The following SCN3A variants were observed in gnomAD, a reference collection of about 807,000 sequenced individuals.
SCN3A encodes the protein sodium channel protein type 3 subunit alpha.
In SCN3A, 60 loss-of-function variants were observed where a neutral mutation model predicts 187.6. The ratio of observed to expected loss-of-function variants is 0.32; its 90% CI spans 0.26 to 0.40. The LOEUF (loss-of-function observed/expected upper bound fraction) is 0.40. Ranked by LOEUF, SCN3A falls within the 10% of genes least tolerant of loss-of-function variation. The pLI is 1.00. For missense variants in SCN3A, 1,601 were observed against 2,428.2 expected (o/e 0.66, Z 7.16); for synonymous variants, 788 against 829.2 (o/e 0.95, Z 0.85).
At position 165,162,978 on chromosome 2, in the gene SCN3A, A is replaced by G. The variant is rs750096292; in HGVS notation, c.695-150T>C. 290 of 928,574 alleles carry G rather than the reference A, an allele frequency of 3.1e-4. 8 individuals are homozygous for G. In the South Asian group the frequency reaches 3.8e-3, roughly 12 times the overall value. The allele number at this position is 928,574 out of a possible 1,614,324, so 57.5% of individuals were successfully genotyped here. On this transcript the variant is annotated intron_variant, in intron 7 of 27. Coordinates refer to ENST00000283254, the MANE Select transcript of SCN3A (RefSeq NM_006922.4). ...GATAGCCTGATGATTTGGGAAATAG[A>G]TGAACAGCAGATTTTACACATGAAC...
Position 165,162,803 on chromosome 2 carries a change from C to A in SCN3A, c.720G>T (p.Leu240=), listed in dbSNP as rs751024268. The change falls in exon 8 of 28, where the codon CTG becomes CTT. Residue 240 remains leucine, a synonymous_variant. Coordinates refer to ENST00000283254, the MANE Select transcript of SCN3A (RefSeq NM_006922.4). ...IPGLKTIVGA[L]IQSVKKLSDV... is the part of the protein sequence containing the mutation. Reference sequence around the variant, plus strand: ...CAGAAAGCTTCTTTACCGACTGGATCAGGGCCCCCACAATGGTCTTTAAAC... The same window carrying A: ...CAGAAAGCTTCTTTACCGACTGGATAAGGGCCCCCACAATGGTCTTTAAAC... 1 of 1,614,104 alleles carries A rather than the reference C, an allele frequency of 6.2e-7. No individual in the cohort carries two copies. The highest frequency in any genetic ancestry group is 8.5e-7 in the Non-Finnish European group (1 of 1,179,996).
intron 3 of SCN3A, among the ~76,000 whole-genome samples, chr2:165,171,877 A>G (rs1450130344): frequency 1.3e-5 from 2 of 152,108 alleles, no homozygotes; most frequent in Non-Finnish European, 2.9e-5. Context: ...CACAGTATTT[A>G]ATAGCCTGGT....
chr2:165,093,475 A>T (rs767258276), intron 26 of SCN3A: 1 of 152,178 alleles, frequency 6.6e-6, no homozygotes, highest in Non-Finnish European at 1.5e-5. Flanking sequence ...GCTTTCAAAG[A>T]TTCTTATATT....
At chr2:165,145,092 A>G (rs1165818375) in intron 12 of SCN3A, among the ~76,000 whole-genome samples, 2 of 152,196 alleles carry the variant, frequency 1.3e-5, no homozygotes, top group Admixed American at 1.3e-4. Flanking sequence ...TATATTGCTT[A>G]GTCCCCTAAA....
At chr2:165,116,943 A>ATTTTTTTTTTTTTTTTTTTTT (rs11395597) in intron 18 of SCN3A, among the ~76,000 whole-genome samples, 1 of 118,208 alleles carries the variant, frequency 8.5e-6, no homozygotes. Context: ...TGATAGCACA[A>ATTTTTTTTTTTTTTTTTTTTT]TTTTTTTTTT....
At chr2:165,133,363 AT>A (rs913102392) in intron 15 of SCN3A, among the ~76,000 whole-genome samples, 1 of 151,216 alleles carries the variant, frequency 6.6e-6, no homozygotes, top group Non-Finnish European at 1.5e-5. Flanking sequence ...TATTTTTATT[AT>A]TTTTTTTTGA....
chr2:165,188,494 A>G (rs1281629669), intron 1 of SCN3A, among the ~76,000 whole-genome samples: 1 of 152,224 alleles, frequency 6.6e-6, no homozygotes, highest in Non-Finnish European at 1.5e-5. Flanking sequence ...AGTGAGCATA[A>G]GAATCACCTG....
At position 165,146,876 on chromosome 2, in the gene SCN3A, G is replaced by C. The variant is rs145500931; in HGVS notation, c.1534C>G (p.Leu512Val). 6 of 1,613,980 alleles carry C rather than the reference G, an allele frequency of 3.7e-6. No individual in the cohort carries two copies. The highest frequency in any genetic ancestry group is 4.2e-6 in the Non-Finnish European group (5 of 1,179,952). Residue 512 changes from leucine to valine, a missense_variant, in exon 12 of 28, where the codon CTT (leucine) becomes GTT (valine). Around this residue, in one of 11 missense-constraint regions of SCN3A, gnomAD observed 376 missense variants for 476.0 expected, o/e 0.79. Transcript: ENST00000283254. The stretch of plus-strand genomic sequence containing the variant: ...CTCTCTCCTTTGTTGTTTCCTTCAA[G>C]GTGCTCTCTCTGTCTTCTTTTCTTC... ...RRKKRRQREH[L>V]EGNNKGERDS...
chr2:165,175,662 G>T (rs1287984663), intron 3 of SCN3A, among the ~76,000 whole-genome samples: 1 of 152,180 alleles, frequency 6.6e-6, no homozygotes, highest in Non-Finnish European at 1.5e-5. Flanking sequence ...TTCATGTATT[G>T]TCTGGCTACA....
At chr2:165,125,540 A>G (rs1238048510) in intron 18 of SCN3A, among the ~76,000 whole-genome samples, 2 of 152,034 alleles carry the variant, frequency 1.3e-5, no homozygotes, top group Admixed American at 1.3e-4. Context: ...GATGGTCTCG[A>G]TCTCCTGACC....
chr2:165,094,512 G>A (rs1685264021), intron 25 of SCN3A, 34 bp from the exon 26 acceptor site: 1 of 1,395,458 alleles, frequency 7.2e-7, no homozygotes, highest in Non-Finnish European at 1.0e-6. Context: ...TTACAATTCT[G>A]TGTTCCAATA....
At chr2:165,133,333 G>T (rs1023825227) in intron 15 of SCN3A, among the ~76,000 whole-genome samples, 1 of 151,896 alleles carries the variant, frequency 6.6e-6, no homozygotes, top group Non-Finnish European at 1.5e-5. Context: ...ACATGCACAC[G>T]TATGTTTATT....
chr2:165,102,174 G>A (rs1327669798), intron 21 of SCN3A, among the ~76,000 whole-genome samples: 2 of 152,206 alleles, frequency 1.3e-5, no homozygotes, highest in East Asian at 1.9e-4. Flanking sequence ...GGACGTGGCT[G>A]CAAATTTCTC....
chr2:165,131,961 A>G (rs1480506333), intron 15 of SCN3A, among the ~76,000 whole-genome samples: 1 of 151,962 alleles, frequency 6.6e-6, no homozygotes, highest in Non-Finnish European at 1.5e-5. Flanking sequence ...ATAGTATTCC[A>G]TGGTGTATAT....
intron 2 of SCN3A, among the ~76,000 whole-genome samples, chr2:165,183,485 T>G (rs1009755646): frequency 6.6e-6 from 1 of 152,216 alleles, no homozygotes; most frequent in Non-Finnish European, 1.5e-5. Context: ...CTTATGAAAG[T>G]ACTTGAAGCC....
Position 165,162,674 on chromosome 2 carries a change from G to A in SCN3A, c.849C>T (p.Ser283=), listed in dbSNP as rs747954941. Residue 283 remains serine (S), a synonymous_variant, in exon 8 of 28, where the codon AGC becomes AGT. Coordinates refer to ENST00000283254, the MANE Select transcript of SCN3A (RefSeq NM_006922.4). ...LRNKCLQWPP[S]DSAFETNTTS... ...TGGTGTTGGTTTCAAAAGCAGAATC[G>A]CTTGGGGGCCACTGCAAACATTTAT... The A allele has an allele frequency of 1.5e-5, 24 of 1,614,012 alleles. No individual in the cohort carries two copies. The highest frequency in any genetic ancestry group is 4.0e-5 in the African/African-American group (3 of 74,918).
Position 165,113,951 on chromosome 2 carries a change from T to A in SCN3A, c.3534A>T (p.Pro1178=), listed in dbSNP as rs534513013. The change falls in exon 20 of 28, where the codon CCA becomes CCT. Residue 1178 remains proline (P), a synonymous_variant. Coordinates refer to ENST00000283254, the MANE Select transcript of SCN3A (RefSeq NM_006922.4). ...CFTEGCIKKF[P]FCQVSTEEGK... ...CTTCTTCTGTACTTACTTGACAGAA[T>A]GGAAACTTTTTAATACATCCTAAAA... 6.2e-7 allele frequency: 1 copy of A among 1,605,046 alleles called. No individual in the cohort carries two copies. Among genetic ancestry groups the A allele is most frequent in the Non-Finnish European group, 8.5e-7 (1 of 1,173,286 alleles).
intron 15 of SCN3A, among the ~76,000 whole-genome samples, chr2:165,132,653 A>C (rs560551629): frequency 6.6e-6 from 1 of 152,136 alleles, no homozygotes; most frequent in Non-Finnish European, 1.5e-5. Flanking sequence ...AAGACTTAAA[A>C]GTTAGACCTA....
At chr2:165,123,154 C>T (rs888490421) in intron 18 of SCN3A, among the ~76,000 whole-genome samples, 30 of 151,926 alleles carry the variant, frequency 2.0e-4, no homozygotes, top group African/African-American at 3.4e-4. Context: ...CAAAAAGATT[C>T]GCATAATTCC....
Sources: allele counts gnomAD v4.1 joint callset (sites outside exome capture counted in the v4.1 genomes callset), GRCh38; gene constraint gnomAD v4.1.1; regional missense constraint gnomAD v4.1.1; transcripts MANE v1.5; gene names NCBI Gene and HGNC (gene_info 2026-07-23, HGNC 2026-07-21).